The following CLEC16A variants were observed in gnomAD, a reference collection of about 807,000 sequenced individuals.
CLEC16A encodes C-type lectin domain containing 16A.
A neutral mutation model predicts 109.5 loss-of-function variants in CLEC16A; 51 were observed. The observed-to-expected ratio is 0.47, with a 90% confidence interval of 0.37 to 0.59. CLEC16A has a LOEUF of 0.59. Ranked by LOEUF, CLEC16A falls within the 20% of genes least tolerant of loss-of-function variation. The probability of loss-of-function intolerance (pLI) is 0.00; values close to 1 mark genes in which losing one functional copy is unlikely to be tolerated. For synonymous variants in CLEC16A, 673 were observed against 564.2 expected, an observed-to-expected ratio of 1.19 and a Z score of -2.73; for missense variants, 1,339 against 1,394.0, an observed-to-expected ratio of 0.96 and a Z score of 0.63.
intron 11 of CLEC16A, among the ~76,000 whole-genome samples, chr16:11,012,867 GTTA>G (rs2045520555): frequency 6.6e-6 from 1 of 152,056 alleles, no homozygotes; most frequent in Non-Finnish European, 1.5e-5. Flanking sequence ...TTTATGAATT[GTTA>G]TTTGACAATC....
intron 13 of CLEC16A, chr16:11,027,892 G>C: frequency 3.2e-6 from 2 of 619,974 alleles, no homozygotes; most frequent in Admixed American, 5.2e-5. Context: ...AAACTGGAAA[G>C]GAAGGGTCAA....
At chr16:11,030,390 G>A (rs991512486) in intron 13 of CLEC16A, among the ~76,000 whole-genome samples, 3 of 152,182 alleles carry the variant, frequency 2.0e-5, no homozygotes, top group Non-Finnish European at 4.4e-5. Flanking sequence ...CCCATCACCA[G>A]TGTACAAGAG....
At chr16:11,058,909 T>G (rs1257014852) in intron 18 of CLEC16A, among the ~76,000 whole-genome samples, 1 of 152,198 alleles carries the variant, frequency 6.6e-6, no homozygotes, top group Non-Finnish European at 1.5e-5. Context: ...TTTCCTTTCT[T>G]TCTCATCCTC....
chr16:11,100,576 T>A (rs1318248340), intron 19 of CLEC16A, among the ~76,000 whole-genome samples: 1 of 152,174 alleles, frequency 6.6e-6, no homozygotes, highest in Non-Finnish European at 1.5e-5. Context: ...ACTTGGGCAT[T>A]TCCTGCTTGG....
At chr16:11,144,483 C>A (rs1481205216) in intron 22 of CLEC16A, among the ~76,000 whole-genome samples, 1 of 152,062 alleles carries the variant, frequency 6.6e-6, no homozygotes, top group East Asian at 1.9e-4. Context: ...AGAAAAGCCA[C>A]CCTCCCCTCA....
rs150656910 is a variant in CLEC16A at position 11,101,856 on chromosome 16, G to A, written c.2117-18759G>A. Among the ~76,000 whole-genome samples, 1,228 of 151,246 alleles carry A rather than the reference G, an allele frequency of 8.1e-3. 19 individuals carry two copies. Among genetic ancestry groups the A allele is most frequent in the African/African-American group, 0.028 (1,171 of 41,182 alleles). ...ATCCTTCTGTTGCCCAAGTTGGAGT[G>A]CAGTGATGCAATTATGGTCACTGTA... On this transcript the variant is annotated intron_variant, in intron 19 of 23. Transcript: ENST00000409790.
intron 17 of CLEC16A, 123 bp downstream of exon 17, chr16:11,047,465 G>A (rs558773097): frequency 2.7e-5 from 14 of 514,150 alleles, no homozygotes; most frequent in African/African-American, 2.6e-4. Flanking sequence ...ACAGATTGAT[G>A]GGGAAGCAGA....
chr16:11,059,111 A>G (rs2048354102), intron 18 of CLEC16A, among the ~76,000 whole-genome samples: 1 of 152,172 alleles, frequency 6.6e-6, no homozygotes, highest in South Asian at 2.1e-4. Flanking sequence ...GAGCTGAAAT[A>G]ACTCTGCCCC....
chr16:10,972,820 T>C (rs1216163112), intron 6 of CLEC16A, 118 bp from the exon 7 acceptor site: 1 of 1,084,292 alleles, frequency 9.2e-7, no homozygotes, highest in African/African-American at 1.6e-5. Flanking sequence ...TTTCAGATTA[T>C]AGCAGAGGGC....
rs1371122627 is a variant in CLEC16A, at chr16:11,181,979, G to C, written c.*3289G>C. The C allele has an allele frequency of 6.6e-6, 1 of 152,616 alleles. No individual in the cohort carries two copies. Among genetic ancestry groups the C allele is most frequent in the Non-Finnish European group, 1.5e-5 (1 of 68,036 alleles). 9.5% of individuals were successfully genotyped at this position (152,616 alleles called of 1,614,324 possible). A position where few individuals can be genotyped will look rare whatever the true frequency, so the allele number is the denominator to read the frequency against. ...GTACGAGTTCCTTATGTTTCCTTGA[G>C]CTAAAAATATGTAAATAATTTTTGT... On this transcript the variant is annotated 3_prime_UTR_variant, in exon 24 of 24. Coordinates refer to ENST00000409790, the MANE Select transcript of CLEC16A (RefSeq NM_015226.3).
intron 22 of CLEC16A, among the ~76,000 whole-genome samples, chr16:11,157,831 C>A (rs568254827): frequency 6.6e-6 from 1 of 152,258 alleles, no homozygotes; most frequent in Admixed American, 6.5e-5. Context: ...CCTAAGGTGG[C>A]TTTCCTAGGG....
intron 10 of CLEC16A, among the ~76,000 whole-genome samples, chr16:10,994,788 G>T (rs16957883): frequency 0.13 from 20,004 of 152,194 alleles, 1,303 homozygotes; most frequent in South Asian, 0.15. Context: ...TGCATAAACT[G>T]TCACTGCATT....
intron 19 of CLEC16A, among the ~76,000 whole-genome samples, chr16:11,076,831 A>G (rs1433333193): frequency 1.2e-4 from 18 of 152,080 alleles, no homozygotes; most frequent in East Asian, 5.8e-4. Context: ...CCCTCAGCCA[A>G]TGCACACTCT....
chr16:11,044,155 C>A, intron 16 of CLEC16A, 83 bp downstream of exon 16: 2 of 1,173,136 alleles, frequency 1.7e-6, no homozygotes, highest in Admixed American at 2.4e-5. Context: ...TGCAGATAAA[C>A]GTTATATGTC....
chr16:11,012,594 C>CAAA lies in CLEC16A; in HGVS notation c.1304-7574_1304-7572dup, dbSNP rs551902895. ...TGGGCGATAGAGTGAGACTCCGTCT[C>CAAA]AAAAAAAAAAAAAAAAAAAAAAAAA... On this transcript the variant is annotated intron_variant, in intron 11 of 23. Transcript: ENST00000409790. Among the ~76,000 whole-genome samples the CAAA allele has an allele frequency of 1.0e-3, 71 of 67,924 alleles. 2 individuals are homozygous for CAAA. The highest frequency in any genetic ancestry group is 2.4e-3 in the African/African-American group (53 of 22,314). 44.6% of individuals were successfully genotyped at this position (67,924 alleles called of 152,430 possible). A position where few individuals can be genotyped will look rare whatever the true frequency, so the allele number is the denominator to read the frequency against.
chr16:10,968,401 G>A (rs772129664), intron 3 of CLEC16A, among the ~76,000 whole-genome samples: 9 of 152,200 alleles, frequency 5.9e-5, no homozygotes, highest in Non-Finnish European at 8.8e-5. Flanking sequence ...CTGCATTTCT[G>A]CAGGGCCAGG....
At chr16:11,100,417 G>A (rs960254628) in intron 19 of CLEC16A, among the ~76,000 whole-genome samples, 3 of 152,242 alleles carry the variant, frequency 2.0e-5, no homozygotes, top group African/African-American at 7.2e-5. Flanking sequence ...TGCTCCTGCT[G>A]TGAAAGCTGC....
At chr16:10,955,705 G>A (rs1374525603) in intron 1 of CLEC16A, among the ~76,000 whole-genome samples, 1 of 152,190 alleles carries the variant, frequency 6.6e-6, no homozygotes, top group African/African-American at 2.4e-5. Flanking sequence ...TTGACCAGGA[G>A]TATGATGTGT....
chr16:11,071,639 G>A (rs2049077504), intron 19 of CLEC16A, among the ~76,000 whole-genome samples: 1 of 140,902 alleles, frequency 7.1e-6, no homozygotes, highest in Non-Finnish European at 1.5e-5. Context: ...ATCTTGCTGT[G>A]TTACCCAGGC....
Sources: allele counts gnomAD v4.1 joint callset (sites outside exome capture counted in the v4.1 genomes callset), GRCh38; gene constraint gnomAD v4.1.1; transcripts MANE v1.5; gene names NCBI Gene and HGNC (gene_info 2026-07-23, HGNC 2026-07-21).